CACNB2: variants seen among roughly 807,000 people sequenced by gnomAD.
CACNB2 encodes the protein voltage-dependent L-type calcium channel subunit beta-2.
In CACNB2, 42 loss-of-function variants were observed where a neutral mutation model predicts 73.3. The observed-to-expected ratio is 0.57, with a 90% CI of 0.45 to 0.74. The LOEUF is 0.74. CACNB2 is among the 30% of genes least tolerant of loss of function. The probability of loss-of-function intolerance (pLI) is 0.00; values close to 1 mark genes in which losing one functional copy is unlikely to be tolerated. For missense variants in CACNB2, 940 were observed against 853.0 expected (o/e 1.10, Z -1.27); for synonymous variants, 348 against 310.3 (o/e 1.12, Z -1.28).
At chr10:18,305,195 A>G (rs552999699) in intron 2 of CACNB2, among the ~76,000 whole-genome samples, 9 of 152,358 alleles carry the variant, frequency 5.9e-5, no homozygotes, top group African/African-American at 2.2e-4. Flanking sequence ...AATGTCGTCT[A>G]CTTCATGGAC....
rs377657305 is a variant in CACNB2 at position 18,539,381 on chromosome 10, G to T, written c.1640G>T (p.Arg547Leu). Residue 547 changes from arginine to leucine, a missense_variant, in exon 14 of 14, where the codon CGC (arginine) becomes CTC (leucine). Coordinates refer to ENST00000324631, the MANE Select transcript of CACNB2 (RefSeq NM_201596.3). Reference sequence around the variant, plus strand: ...CACAACCATCGCAGTGGGACAAGTCGCGGCCTCTCCAGGCAAGAGACATTT... The same window carrying T: ...CACAACCATCGCAGTGGGACAAGTCTCGGCCTCTCCAGGCAAGAGACATTT... ...PHHNHRSGTS[R>L]GLSRQETFDS... The T allele has an allele frequency of 6.2e-7, 1 of 1,613,920 alleles. No individual in the cohort carries two copies. The highest frequency in any genetic ancestry group is 1.3e-5 in the African/African-American group (1 of 74,888).
At chr10:18,154,004 A>G (rs1007221344) in intron 2 of CACNB2, among the ~76,000 whole-genome samples, 5 of 151,556 alleles carry the variant, frequency 3.3e-5, no homozygotes, top group African/African-American at 9.7e-5. Context: ...GTAGCTAGGG[A>G]ACATATATAA....
At chr10:18,417,570 G>A (rs929670859) in intron 3 of CACNB2, among the ~76,000 whole-genome samples, 1 of 151,862 alleles carries the variant, frequency 6.6e-6, no homozygotes, top group Non-Finnish European at 1.5e-5. Flanking sequence ...GTTTCACCAT[G>A]TTGGCCAGGC....
intron 2 of CACNB2, among the ~76,000 whole-genome samples, chr10:18,202,751 C>T (rs2034937241): frequency 6.6e-6 from 1 of 152,180 alleles, no homozygotes; most frequent in Non-Finnish European, 1.5e-5. Context: ...TGTGTTGTGG[C>T]TGTGGAGTAA....
chr10:18,147,058 C>A (rs765823522), intron 1 of CACNB2, among the ~76,000 whole-genome samples: 1 of 152,194 alleles, frequency 6.6e-6, no homozygotes, highest in African/African-American at 2.4e-5. Context: ...TTTGAGTGCA[C>A]GGCTAAAATC....
intron 2 of CACNB2, among the ~76,000 whole-genome samples, chr10:18,294,155 C>T (rs557409069): frequency 1.4e-4 from 21 of 152,310 alleles, no homozygotes; most frequent in Admixed American, 1.3e-3. Flanking sequence ...GGCACGTTTC[C>T]GAGACCTGCT....
chr10:18,506,986 A>T (rs1019026259), intron 6 of CACNB2, among the ~76,000 whole-genome samples: 1 of 152,038 alleles, frequency 6.6e-6, no homozygotes, highest in African/African-American at 2.4e-5. Flanking sequence ...TTTTGTAGAG[A>T]TGGAGTTTCA....
At chr10:18,524,348 G>A (rs7081811) in intron 9 of CACNB2, among the ~76,000 whole-genome samples, 100,602 of 151,860 alleles carry the variant, frequency 0.66, 33,844 homozygotes, top group East Asian at 0.97. Flanking sequence ...CTGTAGGACA[G>A]TCTTACTAGA....
intron 2 of CACNB2, among the ~76,000 whole-genome samples, chr10:18,362,646 A>C (rs2042187702): frequency 6.6e-6 from 1 of 152,214 alleles, no homozygotes; most frequent in Non-Finnish European, 1.5e-5. Flanking sequence ...TTGCCATAGA[A>C]AATGCATGTA....
intron 3 of CACNB2, among the ~76,000 whole-genome samples, chr10:18,464,763 A>G (rs1373209949): frequency 6.6e-6 from 1 of 152,236 alleles, no homozygotes; most frequent in African/African-American, 2.4e-5. Flanking sequence ...GTTAAACTGG[A>G]GAAAATTGAC....
At chr10:18,198,691 T>C (rs988720248) in intron 2 of CACNB2, among the ~76,000 whole-genome samples, 1 of 152,214 alleles carries the variant, frequency 6.6e-6, no homozygotes, top group African/African-American at 2.4e-5. Flanking sequence ...AAATTGGTTT[T>C]CTACTCATGC....
At chr10:18,374,004 C>T (rs1035047911) in intron 2 of CACNB2, among the ~76,000 whole-genome samples, 5 of 152,162 alleles carry the variant, frequency 3.3e-5, no homozygotes, top group Non-Finnish European at 7.3e-5. Flanking sequence ...TTCACACTCC[C>T]ATATTGCATT....
At chr10:18,385,294 A>C (rs953405496) in intron 2 of CACNB2, among the ~76,000 whole-genome samples, 2 of 150,244 alleles carry the variant, frequency 1.3e-5, no homozygotes, top group Admixed American at 1.3e-4. Context: ...GAAAAAAAAA[A>C]CGGTTGCCTT....
rs78393647 is a variant in CACNB2 at position 18,317,863 on chromosome 10, C to G, written c.214-84061C>G. ...TGGGAAATCAGCTATGAATAAAGAA[C>G]ATGAGGTCTTTATGCTCTAAAAGAA... On this transcript the variant is annotated intron_variant, in intron 2 of 13. Transcript: ENST00000324631. Among the ~76,000 whole-genome samples the G allele has an allele frequency of 7.3e-3, 1,105 of 152,244 alleles. 7 individuals are homozygous for G. The highest frequency in any genetic ancestry group is 0.011 in the Non-Finnish European group (768 of 68,020).
At position 18,381,621 on chromosome 10, in the gene CACNB2, G is replaced by A. The variant is rs559521523; in HGVS notation, c.214-20303G>A. Among the ~76,000 whole-genome samples the A allele has an allele frequency of 6.6e-5, 10 of 151,428 alleles. No homozygotes were observed. In the South Asian group the frequency reaches 2.1e-3, roughly 32 times the overall value. On this transcript the variant is annotated intron_variant, in intron 2 of 13. Coordinates refer to ENST00000324631, the MANE Select transcript of CACNB2 (RefSeq NM_201596.3). Reference sequence around the variant, plus strand: ...GAGAATTGCTTGAACCTGGGAGGTGGAGGTTGCAGTGAGCCGAGATCAGGC... The same window carrying A: ...GAGAATTGCTTGAACCTGGGAGGTGAAGGTTGCAGTGAGCCGAGATCAGGC...
chr10:18,230,713 T>C lies in CACNB2; in HGVS notation c.213+79738T>C, dbSNP rs140874240. ...AGAGTATTAAGAATATTAAAGATCA[T>C]GTCACCAAAAGTCCTCACCTCTTAC... On this transcript the variant is annotated intron_variant, in intron 2 of 13. Transcript: ENST00000324631. 6.1e-3 allele frequency among the ~76,000 whole-genome samples: 926 copies of C among 152,274 alleles called. 6 individuals carry two copies. Among genetic ancestry groups the C allele is most frequent in the Middle Eastern group, 0.024 (7 of 294 alleles).
chr10:18,370,371 C>T (rs181514453), intron 2 of CACNB2, among the ~76,000 whole-genome samples: 28 of 152,250 alleles, frequency 1.8e-4, no homozygotes, highest in Middle Eastern at 3.4e-3. Flanking sequence ...TGGGTAGGCT[C>T]ACTGCAGCTT....
chr10:18,496,684 G>C (rs541449536), intron 3 of CACNB2, among the ~76,000 whole-genome samples: 8 of 149,406 alleles, frequency 5.4e-5, no homozygotes, highest in African/African-American at 1.7e-4. Context: ...CGTGGTGGCG[G>C]GTGCCTGTAA....
At chr10:18,247,774 A>G (rs770423222) in intron 2 of CACNB2, among the ~76,000 whole-genome samples, 1 of 152,164 alleles carries the variant, frequency 6.6e-6, no homozygotes. Flanking sequence ...CATAAATTTT[A>G]GATCTTTTAC....
Sources: gnomAD v4.1 joint callset for allele counts (sites outside exome capture counted in the v4.1 genomes callset) on GRCh38, gnomAD v4.1.1 for gene constraint, MANE v1.5 for transcripts, NCBI Gene and HGNC (gene_info 2026-07-23, HGNC 2026-07-21) for gene names.